Variants in EYA3 observed in about 807,000 individuals in gnomAD.
EYA3 encodes protein phosphatase EYA3.
A neutral mutation model predicts 80.0 loss-of-function variants in EYA3; 39 were observed. That is an observed-to-expected ratio of 0.49 (90% CI 0.38 to 0.64). The LOEUF (loss-of-function observed/expected upper bound fraction) is 0.64, where lower values mean the gene tolerates loss of function less well. Among genes scored for constraint, EYA3 ranks in the 30% least tolerant of loss-of-function variants. EYA3 has a pLI of 0.00. For synonymous variants in EYA3, 206 were observed against 232.8 expected, an observed-to-expected ratio of 0.88 and a Z score of 1.05; for missense variants, 523 against 676.1, an observed-to-expected ratio of 0.77 and a Z score of 2.51.
chr1:28,020,667 C>CGGGTGTGTGT (rs1642371005), intron 7 of EYA3, among the ~76,000 whole-genome samples: 1 of 134,478 alleles, frequency 7.4e-6, no homozygotes, highest in African/African-American at 2.9e-5. Context: ...TACAGATCAT[C>CGGGTGTGTGT]GTGTGTGTGT....
chr1:28,047,053 C>T (rs1395589726), intron 3 of EYA3, among the ~76,000 whole-genome samples: 1 of 151,888 alleles, frequency 6.6e-6, no homozygotes, highest in African/African-American at 2.4e-5. Flanking sequence ...CTTGCTATGT[C>T]GCCCAGGCTG....
chr1:28,041,161 C>T (rs1571873655), intron 4 of EYA3, among the ~76,000 whole-genome samples: 2 of 151,354 alleles, frequency 1.3e-5, no homozygotes, highest in Admixed American at 1.3e-4. Context: ...GTCAAGAGTT[C>T]GAGACCAGCC....
Position 28,004,382 on chromosome 1 carries a change from A to G in EYA3, c.947T>C (p.Ile316Thr), listed in dbSNP as rs561398055. ...FLWDLDETIIIFHSLLTGSYA... is the reference protein window; with the variant it reads ...FLWDLDETIITFHSLLTGSYA... ...GGATCCAGTAAGAAGTGAGTGGAAGATGATGATGGTTTCATCCAAGTCCCA... is the reference window on the plus strand; with the variant it reads ...GGATCCAGTAAGAAGTGAGTGGAAGGTGATGATGGTTTCATCCAAGTCCCA... Residue 316 changes from isoleucine to threonine, a missense_variant, in exon 11 of 18, where the codon ATC becomes ACC. Transcript: ENST00000373871. The G allele has an allele frequency of 6.2e-7, 1 of 1,608,808 alleles. No homozygotes were observed. Among genetic ancestry groups the G allele is most frequent in the African/African-American group, 1.3e-5 (1 of 74,996 alleles).
intron 13 of EYA3, 54 bp downstream of exon 13, chr1:27,997,266 C>G (rs561315999): frequency 2.3e-4 from 342 of 1,484,490 alleles, no homozygotes; most frequent in Non-Finnish European, 3.0e-4. Flanking sequence ...CCTAGACAGA[C>G]AGATCTTGCA....
intron 4 of EYA3, among the ~76,000 whole-genome samples, chr1:28,041,354 A>G (rs1234800545): frequency 1.3e-5 from 2 of 151,954 alleles, no homozygotes; most frequent in Non-Finnish European, 2.9e-5. Flanking sequence ...ACAAGAGCGA[A>G]ACTCCACCTC....
chr1:28,069,374 G>T (rs1243504389), intron 1 of EYA3, among the ~76,000 whole-genome samples: 1 of 151,922 alleles, frequency 6.6e-6, no homozygotes, highest in Non-Finnish European at 1.5e-5. Flanking sequence ...CTCCCAAACT[G>T]CTGGGATTAC....
At chr1:28,024,763 G>A (rs941690470) in intron 7 of EYA3, among the ~76,000 whole-genome samples, 1 of 152,010 alleles carries the variant, frequency 6.6e-6, no homozygotes, top group Non-Finnish European at 1.5e-5. Context: ...AATGACCAAA[G>A]ATAGGGCCAC....
intron 6 of EYA3, among the ~76,000 whole-genome samples, chr1:28,029,815 G>A (rs992359078): frequency 2.6e-5 from 4 of 151,716 alleles, no homozygotes; most frequent in African/African-American, 7.3e-5. Flanking sequence ...GGCTGGTCTC[G>A]AACTCCTGAC....
chr1:27,981,066 A>G (rs907728198), intron 16 of EYA3, among the ~76,000 whole-genome samples: 11 of 152,328 alleles, frequency 7.2e-5, no homozygotes, highest in Non-Finnish European at 1.0e-4. Flanking sequence ...AAAACAAAAA[A>G]AACTTCTGAC....
Position 28,078,838 on chromosome 1 carries a change from C to T in EYA3, c.-69+9686G>A, listed in dbSNP as rs534874254. 1.4e-4 allele frequency among the ~76,000 whole-genome samples: 22 copies of T among 152,334 alleles called. 1 individual carries two copies. The South Asian group carries it at 4.3e-3, about 30-fold the overall frequency. ...CCCCAATGCTATACACATAGTAAGT[C>T]ACCAACCTGGTATTCGAGCCCAGGC... On this transcript the variant is annotated intron_variant, in intron 1 of 17. Coordinates refer to ENST00000373871, the MANE Select transcript of EYA3 (RefSeq NM_001990.4).
intron 3 of EYA3, among the ~76,000 whole-genome samples, chr1:28,044,034 G>A (rs1443205223): frequency 6.6e-6 from 1 of 152,102 alleles, no homozygotes; most frequent in Non-Finnish European, 1.5e-5. Context: ...GGAAAATTAA[G>A]AGAAATTGAG....
intron 7 of EYA3, among the ~76,000 whole-genome samples, chr1:28,026,346 T>C (rs1367034217): frequency 6.6e-6 from 1 of 152,172 alleles, no homozygotes; most frequent in Non-Finnish European, 1.5e-5. Context: ...CCAGGTGTGG[T>C]GGCTCACATC....
chr1:27,988,085 G>T (rs1419785704), intron 16 of EYA3, among the ~76,000 whole-genome samples: 1 of 151,588 alleles, frequency 6.6e-6, no homozygotes, highest in Non-Finnish European at 1.5e-5. Context: ...GCTCAGGCTG[G>T]TGTTGAACTC....
intron 4 of EYA3, among the ~76,000 whole-genome samples, chr1:28,041,768 C>T (rs1052246395): frequency 2.6e-5 from 4 of 152,008 alleles, no homozygotes; most frequent in Non-Finnish European, 4.4e-5. Flanking sequence ...CCTCAGACTC[C>T]CAAAGTGTTG....
intron 1 of EYA3, among the ~76,000 whole-genome samples, chr1:28,065,475 G>C (rs563701343): frequency 6.6e-6 from 1 of 151,812 alleles, no homozygotes; most frequent in Non-Finnish European, 1.5e-5. Context: ...GTTTCAGCAT[G>C]TTGACCAGGA....
chr1:27,977,691 TA>T (rs1345997024), intron 17 of EYA3, among the ~76,000 whole-genome samples: 1 of 151,658 alleles, frequency 6.6e-6, no homozygotes, highest in African/African-American at 2.4e-5. Context: ...CTACTAAAAA[TA>T]CAAAAATTAG....
intron 16 of EYA3, among the ~76,000 whole-genome samples, chr1:27,981,654 A>T (rs1472797852): frequency 1.3e-5 from 2 of 151,902 alleles, no homozygotes; most frequent in African/African-American, 4.8e-5. Context: ...GTGTGCATCT[A>T]TAATCCCAAG....
At chr1:28,039,878 G>A (rs1029900374) in intron 4 of EYA3, among the ~76,000 whole-genome samples, 3 of 152,158 alleles carry the variant, frequency 2.0e-5, no homozygotes, top group African/African-American at 7.2e-5. Context: ...ATGTCAATTA[G>A]ATCTAAAGTT....
intron 2 of EYA3, among the ~76,000 whole-genome samples, chr1:28,057,352 C>T (rs111364265): frequency 1.7e-3 from 264 of 152,062 alleles, no homozygotes; most frequent in African/African-American, 3.9e-3. Flanking sequence ...CAAATTGAAT[C>T]GGTATTTACC....
Sources: allele counts gnomAD v4.1 joint callset (sites outside exome capture counted in the v4.1 genomes callset), GRCh38; gene constraint gnomAD v4.1.1; transcripts MANE v1.5; gene names NCBI Gene and HGNC (gene_info 2026-07-23, HGNC 2026-07-21).